Variants in RAD51B observed in about 807,000 individuals in gnomAD.
The protein encoded by RAD51B is RAD51 paralog B.
Under a neutral mutation model 42.2 loss-of-function variants are expected in RAD51B, and 38 were observed. That is an observed-to-expected ratio of 0.90 (90% CI 0.70 to 1.18). RAD51B has a LOEUF of 1.18. Ranked by LOEUF, RAD51B falls within the 50% of genes most tolerant of loss-of-function variation. The probability of loss-of-function intolerance (pLI) is 0.00; values close to 1 mark genes in which losing one functional copy is unlikely to be tolerated. For missense variants in RAD51B, 373 were observed against 400.7 expected, an observed-to-expected ratio of 0.93 and a Z score of 0.59; for synonymous variants, 154 against 145.2, an observed-to-expected ratio of 1.06 and a Z score of -0.43.
intron 8 of RAD51B, among the ~76,000 whole-genome samples, chr14:68,341,397 A>T (rs2082569308): frequency 6.6e-6 from 1 of 152,230 alleles, no homozygotes; most frequent in Non-Finnish European, 1.5e-5. Context: ...GTTTTGTGGA[A>T]GTCTGAACCT....
intron 10 of RAD51B, among the ~76,000 whole-genome samples, chr14:68,646,392 T>C (rs988132873): frequency 6.6e-6 from 1 of 152,216 alleles, no homozygotes; most frequent in Non-Finnish European, 1.5e-5. Context: ...TTTCCTTTCA[T>C]GTAAACTACG....
At chr14:68,586,247 C>T (rs953865466) in intron 10 of RAD51B, among the ~76,000 whole-genome samples, 1 of 152,166 alleles carries the variant, frequency 6.6e-6, no homozygotes, top group Admixed American at 6.5e-5. Flanking sequence ...TCAAGTAACC[C>T]GATGGACCTG....
intron 7 of RAD51B, among the ~76,000 whole-genome samples, chr14:67,962,562 G>A (rs368169945): frequency 3.3e-5 from 5 of 152,094 alleles, no homozygotes; most frequent in East Asian, 1.9e-4. Flanking sequence ...ACACAGTTCT[G>A]ATAAAAGAAA....
At chr14:68,603,325 A>G (rs1044212276) in intron 10 of RAD51B, among the ~76,000 whole-genome samples, 9 of 152,168 alleles carry the variant, frequency 5.9e-5, no homozygotes, top group Non-Finnish European at 1.2e-4. Context: ...TTTTGTTTTT[A>G]AGGCACACAT....
chr14:68,258,399 C>T (rs2080800827), intron 7 of RAD51B, among the ~76,000 whole-genome samples: 1 of 149,104 alleles, frequency 6.7e-6, no homozygotes, highest in African/African-American at 2.5e-5. Context: ...TGTCTCTATA[C>T]ACACACACCA....
At chr14:67,878,410 T>C (rs1481520931) in intron 5 of RAD51B, among the ~76,000 whole-genome samples, 2 of 152,158 alleles carry the variant, frequency 1.3e-5, no homozygotes, top group Non-Finnish European at 2.9e-5. Context: ...ATACTTTGTG[T>C]ATTATGGATA....
intron 3 of RAD51B, among the ~76,000 whole-genome samples, chr14:67,829,445 T>C (rs1439012389): frequency 6.6e-6 from 1 of 152,098 alleles, no homozygotes; most frequent in East Asian, 1.9e-4. Flanking sequence ...GGTTTCACCA[T>C]GTTAGCCAGG....
At chr14:68,235,703 CAAAAAAAAAAAAA>C (rs57180468) in intron 7 of RAD51B, among the ~76,000 whole-genome samples, 4 of 14,042 alleles carry the variant, frequency 2.8e-4, no homozygotes, top group East Asian at 2.9e-3. Context: ...GACTCCGTCT[CAAAAAAAAAAAAA>C]AAAAAAAAAA....
At chr14:67,949,364 C>T (rs529644173) in intron 7 of RAD51B, among the ~76,000 whole-genome samples, 1 of 152,120 alleles carries the variant, frequency 6.6e-6, no homozygotes, top group Non-Finnish European at 1.5e-5. Flanking sequence ...GCATCATCAC[C>T]CGGAATAGTT....
intron 7 of RAD51B, among the ~76,000 whole-genome samples, chr14:68,251,248 TAAGTGGGCTCTGACTCTTTGC>T (rs1226405173): frequency 2.0e-5 from 3 of 151,970 alleles, no homozygotes; most frequent in Non-Finnish European, 4.4e-5. Flanking sequence ...CTGGCAGCAG[TAAGTGGGCTCTGACTCTTTGC>T]AAGGTATAAT....
intron 8 of RAD51B, among the ~76,000 whole-genome samples, chr14:68,346,012 T>C (rs1467643084): frequency 6.6e-6 from 1 of 152,222 alleles, no homozygotes; most frequent in East Asian, 1.9e-4. Context: ...AGAATGCAGT[T>C]GTGGAAAAGG....
intron 7 of RAD51B, among the ~76,000 whole-genome samples, chr14:67,966,032 T>C (rs529420632): frequency 6.6e-6 from 1 of 152,328 alleles, no homozygotes; most frequent in East Asian, 1.9e-4. Flanking sequence ...CTCCTTCCTA[T>C]TTATACAGCC....
chr14:68,164,495 A>C (rs923993650), intron 7 of RAD51B, among the ~76,000 whole-genome samples: 1 of 152,202 alleles, frequency 6.6e-6, no homozygotes, highest in Non-Finnish European at 1.5e-5. Flanking sequence ...GCAAAATGTT[A>C]TTGTTAAGTT....
chr14:67,931,735 TC>T (rs2044746304), intron 7 of RAD51B, among the ~76,000 whole-genome samples: 4 of 151,970 alleles, frequency 2.6e-5, no homozygotes, highest in Admixed American at 2.6e-4. Flanking sequence ...CCTCTTGACC[TC>T]AGGTGATCCA....
At chr14:67,867,459 T>C (rs1405607215) in intron 5 of RAD51B, among the ~76,000 whole-genome samples, 1 of 152,204 alleles carries the variant, frequency 6.6e-6, no homozygotes, top group Non-Finnish European at 1.5e-5. Flanking sequence ...CAAGTCAGTG[T>C]GAAGAAAAAG....
In RAD51B at chr14:68,056,638, A is replaced by G. The variant is rs549512816; in HGVS notation, c.756+169434A>G. ...GTGATGTGTGCCTGTAGTCCCAGCT[A>G]CTCGGGAGGCTGAGGCAGAGAATAT... is the stretch of plus-strand genomic sequence containing the variant. On this transcript the variant is annotated intron_variant, in intron 7 of 10. Transcript: ENST00000471583. Among the ~76,000 whole-genome samples the G allele has an allele frequency of 2.0e-5, 3 of 151,992 alleles. No homozygotes were observed. In the East Asian group the frequency reaches 5.9e-4, roughly 30 times the overall value.
intron 9 of RAD51B, chr14:68,421,861 A>G: frequency 1.3e-6 from 2 of 1,596,254 alleles, no homozygotes; most frequent in Non-Finnish European, 1.7e-6. Context: ...CAGATGAAAA[A>G]CTGGGAACCA....
At chr14:68,239,327 AC>A (rs2080334441) in intron 7 of RAD51B, among the ~76,000 whole-genome samples, 1 of 152,254 alleles carries the variant, frequency 6.6e-6, no homozygotes, top group Non-Finnish European at 1.5e-5. Context: ...TATTGAGTTT[AC>A]CAAACACTGA....
intron 8 of RAD51B, among the ~76,000 whole-genome samples, chr14:68,295,073 A>G (rs754750290): frequency 8.5e-5 from 13 of 152,236 alleles, no homozygotes; most frequent in Non-Finnish European, 1.8e-4. Context: ...TGACAAGCAC[A>G]CTGCAAATAT....
Sources: gnomAD v4.1 joint callset for allele counts (sites outside exome capture counted in the v4.1 genomes callset) on GRCh38, gnomAD v4.1.1 for gene constraint, MANE v1.5 for transcripts, NCBI Gene and HGNC (gene_info 2026-07-23, HGNC 2026-07-21) for gene names.